The following FHIT variants were observed in gnomAD, a reference collection of about 807,000 sequenced individuals.
FHIT encodes the protein fragile histidine triad diadenosine triphosphatase.
Under a neutral mutation model 17.9 loss-of-function variants are expected in FHIT, and 19 were observed. The observed-to-expected ratio is 1.06, with a 90% CI of 0.74 to 1.56. FHIT has a LOEUF of 1.56. FHIT is among the 40% of genes most tolerant of loss of function. The probability of loss-of-function intolerance (pLI) is 0.00; values close to 1 mark genes in which losing one functional copy is unlikely to be tolerated. For synonymous variants in FHIT, 81 were observed against 69.7 expected, an observed-to-expected ratio of 1.16 and a Z score of -0.81; for missense variants, 248 against 189.2, an observed-to-expected ratio of 1.31 and a Z score of -1.82.
chr3:60,096,523 G>C (rs1318147578), intron 5 of FHIT, among the ~76,000 whole-genome samples: 1 of 152,186 alleles, frequency 6.6e-6, no homozygotes, highest in Non-Finnish European at 1.5e-5. Context: ...TCAGCCTTCA[G>C]GCTGTTTCTG....
intron 8 of FHIT, among the ~76,000 whole-genome samples, chr3:59,872,891 T>A (rs582381): frequency 0.94 from 143,102 of 152,234 alleles, 67,594 homozygotes; most frequent in East Asian, 1. Context: ...TCAGGCTCAG[T>A]AGGTACAAAG....
intron 5 of FHIT, among the ~76,000 whole-genome samples, chr3:60,397,546 G>A (rs1383392994): frequency 3.9e-5 from 6 of 152,166 alleles, no homozygotes. Context: ...GACAGCAGTG[G>A]ATCAAGGATA....
rs1413903402 is a variant in FHIT, at chr3:59,799,679, T to A, written c.349-47358A>T. ...GAAGAGAAGAGACCCTTTCTTCCAT[T>A]TATTTCATTTAGTTGGTGATATTAT... is the stretch of plus-strand genomic sequence containing the variant. On this transcript the variant is annotated intron_variant, in intron 8 of 9. Transcript: ENST00000492590. 3.3e-5 allele frequency among the ~76,000 whole-genome samples: 5 copies of A among 152,222 alleles called. No individual in the cohort carries two copies. In the East Asian group the frequency reaches 9.6e-4, roughly 29 times the overall value.
chr3:60,748,719 G>C (rs912644617), intron 4 of FHIT, among the ~76,000 whole-genome samples: 1 of 152,152 alleles, frequency 6.6e-6, no homozygotes, highest in Non-Finnish European at 1.5e-5. Context: ...GGCTGAGGCA[G>C]GAGAAATGCT....
At chr3:60,730,339 A>G in intron 4 of FHIT, 1 of 263,290 alleles carries the variant, frequency 3.8e-6, no homozygotes, top group Non-Finnish European at 8.2e-6. Context: ...GGTGAATATC[A>G]CTATCTTTGG....
At chr3:60,534,306 G>A (rs1042663775) in intron 5 of FHIT, among the ~76,000 whole-genome samples, 2 of 149,634 alleles carry the variant, frequency 1.3e-5, no homozygotes, top group South Asian at 2.2e-4. Flanking sequence ...GGTGGCGGGC[G>A]CCTGTAGTCC....
At chr3:60,476,426 T>G (rs1258394385) in intron 5 of FHIT, among the ~76,000 whole-genome samples, 2 of 152,132 alleles carry the variant, frequency 1.3e-5, no homozygotes, top group Admixed American at 1.3e-4. Flanking sequence ...TTTGAAAAAG[T>G]AACTGCTATA....
intron 4 of FHIT, among the ~76,000 whole-genome samples, chr3:60,605,801 C>T (rs782459577): frequency 1.2e-4 from 19 of 152,198 alleles, no homozygotes; most frequent in Admixed American, 2.0e-4. Context: ...AGAAGGATAC[C>T]TGAAGTAGGG....
At chr3:60,182,501 G>A (rs1263949809) in intron 5 of FHIT, among the ~76,000 whole-genome samples, 1 of 152,112 alleles carries the variant, frequency 6.6e-6, no homozygotes, top group Non-Finnish European at 1.5e-5. Context: ...GGCCCAGTGG[G>A]CACAGTGGCT....
At chr3:60,321,474 C>CA (rs1709429625) in intron 5 of FHIT, among the ~76,000 whole-genome samples, 3 of 145,636 alleles carry the variant, frequency 2.1e-5, no homozygotes, top group Middle Eastern at 3.5e-3. Flanking sequence ...GACTAGGTCT[C>CA]AAAAAACCAA....
At chr3:60,293,546 A>C (rs1288168180) in intron 5 of FHIT, among the ~76,000 whole-genome samples, 1 of 152,148 alleles carries the variant, frequency 6.6e-6, no homozygotes, top group African/African-American at 2.4e-5. Flanking sequence ...TACAGATCTG[A>C]AGGTCACCTA....
chr3:60,861,667 A>G (rs1275899203), intron 3 of FHIT, among the ~76,000 whole-genome samples: 2 of 152,110 alleles, frequency 1.3e-5, no homozygotes, highest in Non-Finnish European at 2.9e-5. Context: ...TCAAAGTTCC[A>G]AAAGAGGTCC....
At chr3:61,047,954 C>T (rs917381143) in intron 2 of FHIT, among the ~76,000 whole-genome samples, 1 of 150,094 alleles carries the variant, frequency 6.7e-6, no homozygotes, top group Admixed American at 6.7e-5. Flanking sequence ...CCCTTCCTTA[C>T]ACCTTATACA....
chr3:60,754,574 T>C (rs186675879), intron 4 of FHIT, among the ~76,000 whole-genome samples: 1 of 152,038 alleles, frequency 6.6e-6, no homozygotes, highest in Admixed American at 6.6e-5. Context: ...GAGGTTGCGG[T>C]GAGCTAAGAT....
intron 5 of FHIT, among the ~76,000 whole-genome samples, chr3:60,479,306 C>A (rs1014786873): frequency 6.6e-6 from 1 of 151,994 alleles, no homozygotes; most frequent in Non-Finnish European, 1.5e-5. Context: ...ACCAATTGAT[C>A]CAAAACACAA....
chr3:60,366,296 C>T (rs574060240), intron 5 of FHIT, among the ~76,000 whole-genome samples: 1 of 152,200 alleles, frequency 6.6e-6, no homozygotes, highest in South Asian at 2.1e-4. Context: ...CTGCCTCAGC[C>T]TCATGAGTAG....
intron 5 of FHIT, among the ~76,000 whole-genome samples, chr3:60,463,739 A>C (rs975533898): frequency 3.3e-5 from 5 of 152,208 alleles, no homozygotes; most frequent in African/African-American, 4.8e-5. Flanking sequence ...AGACCAGTTG[A>C]AACTCTGGCT....
intron 1 of FHIT, among the ~76,000 whole-genome samples, chr3:61,244,932 G>A (rs763164010): frequency 2.0e-5 from 3 of 152,040 alleles, no homozygotes; most frequent in Admixed American, 6.5e-5. Flanking sequence ...CTTTTCTCTC[G>A]TTAATCTGTC....
At chr3:60,774,174 T>C (rs1700140083) in intron 4 of FHIT, among the ~76,000 whole-genome samples, 1 of 152,228 alleles carries the variant, frequency 6.6e-6, no homozygotes, top group Non-Finnish European at 1.5e-5. Context: ...AGAGTAGATA[T>C]AGTAGTTCCC....
Sources: gnomAD v4.1 joint callset for allele counts (sites outside exome capture counted in the v4.1 genomes callset) on GRCh38, gnomAD v4.1.1 for gene constraint, MANE v1.5 for transcripts, NCBI Gene and HGNC (gene_info 2026-07-23, HGNC 2026-07-21) for gene names.